NCALD: variants seen among roughly 807,000 people sequenced by gnomAD.
NCALD encodes the protein neurocalcin delta.
A neutral mutation model predicts 18.6 loss-of-function variants in NCALD; 10 were observed. The observed-to-expected ratio is 0.54, with a 90% CI of 0.33 to 0.91. The LOEUF is 0.91. Ranked by LOEUF, NCALD falls within the 40% of genes least tolerant of loss-of-function variation. NCALD has a pLI of 0.03. For synonymous variants in NCALD, 88 were observed against 87.4 expected (o/e 1.01, Z -0.04); for missense variants, 184 against 247.6 (o/e 0.74, Z 1.72).
intron 4 of NCALD, among the ~76,000 whole-genome samples, chr8:101,883,906 T>C (rs1488757290): frequency 6.6e-6 from 1 of 152,224 alleles, no homozygotes; most frequent in Non-Finnish European, 1.5e-5. Context: ...CTTCTCCCTA[T>C]CAGCAGTGTC....
chr8:101,746,983 G>C lies in NCALD; in HGVS notation c.-19-27335C>G, dbSNP rs1810452804. 2.0e-5 allele frequency among the ~76,000 whole-genome samples: 3 copies of C among 152,042 alleles called. No homozygotes were observed. The South Asian group carries it at 6.2e-4, about 32-fold the overall frequency. The stretch of plus-strand genomic sequence containing the variant: ...TTCCAATCAAATATGTGCTGAGTAA[G>C]AGATATGGCCCAATCTCAATTATGC... On this transcript the variant is annotated intron_variant, in intron 1 of 3. Coordinates refer to ENST00000220931, the MANE Select transcript of NCALD (RefSeq NM_032041.3).
chr8:101,784,460 G>C (rs575885560), intron 1 of NCALD, among the ~76,000 whole-genome samples: 2 of 152,098 alleles, frequency 1.3e-5, no homozygotes, highest in Admixed American at 1.3e-4. Flanking sequence ...GGTTCAAAGG[G>C]AGGGGCAATA....
At chr8:101,776,353 CT>C (rs1811789739) in intron 1 of NCALD, among the ~76,000 whole-genome samples, 1 of 152,150 alleles carries the variant, frequency 6.6e-6, no homozygotes, top group African/African-American at 2.4e-5. Context: ...CTGACAAACA[CT>C]TATCAGGTAC....
intron 1 of NCALD, among the ~76,000 whole-genome samples, chr8:102,109,707 GAAT>G (rs1373096645): frequency 3.3e-5 from 5 of 152,088 alleles, no homozygotes; most frequent in African/African-American, 4.8e-5. Flanking sequence ...GCAAGTTACA[GAAT>G]AATATGTATA....
chr8:101,709,463 T>C (rs948483002), intron 2 of NCALD, among the ~76,000 whole-genome samples: 9 of 152,166 alleles, frequency 5.9e-5, no homozygotes, highest in African/African-American at 2.2e-4. Context: ...ATACATATAG[T>C]CAATGAGAAT....
chr8:102,035,344 A>G (rs1822826184), intron 1 of NCALD, among the ~76,000 whole-genome samples: 1 of 152,166 alleles, frequency 6.6e-6, no homozygotes, highest in South Asian at 2.1e-4. Flanking sequence ...TCCAGAACAG[A>G]ACACATTCCC....
At chr8:101,823,934 G>A (rs1052242589) in intron 4 of NCALD, among the ~76,000 whole-genome samples, 1 of 152,178 alleles carries the variant, frequency 6.6e-6, no homozygotes, top group Non-Finnish European at 1.5e-5. Flanking sequence ...CTTATTTATT[G>A]ACCTACATGG....
chr8:101,773,995 G>A (rs923927493), intron 1 of NCALD, among the ~76,000 whole-genome samples: 2 of 152,174 alleles, frequency 1.3e-5, no homozygotes, highest in Admixed American at 6.5e-5. Context: ...TGGTCATGGA[G>A]TACCGCTTAT....
intron 1 of NCALD, among the ~76,000 whole-genome samples, chr8:101,741,272 G>GC (rs1810172450): frequency 6.6e-6 from 1 of 152,168 alleles, no homozygotes; most frequent in Non-Finnish European, 1.5e-5. Flanking sequence ...ATTACATTCT[G>GC]CTTTTTCCTG....
intron 4 of NCALD, among the ~76,000 whole-genome samples, chr8:101,825,425 G>A (rs1340914059): frequency 6.6e-6 from 1 of 152,248 alleles, no homozygotes; most frequent in Non-Finnish European, 1.5e-5. Flanking sequence ...CTCAACGGAA[G>A]CATCCTTGAA....
intron 1 of NCALD, among the ~76,000 whole-genome samples, chr8:101,756,557 T>G (rs908002807): frequency 6.6e-6 from 1 of 152,244 alleles, no homozygotes; most frequent in East Asian, 1.9e-4. Flanking sequence ...GGGCCATCTT[T>G]GCACGGAATA....
At chr8:101,744,769 A>G (rs1810357302) in intron 1 of NCALD, among the ~76,000 whole-genome samples, 1 of 152,130 alleles carries the variant, frequency 6.6e-6, no homozygotes, top group African/African-American at 2.4e-5. Flanking sequence ...GCACACAGAG[A>G]AAATGACACT....
At chr8:101,942,737 T>A (rs769555465) in intron 2 of NCALD, among the ~76,000 whole-genome samples, 1 of 152,200 alleles carries the variant, frequency 6.6e-6, no homozygotes, top group African/African-American at 2.4e-5. Context: ...CCCCATTTTA[T>A]AAATGGAGAA....
At chr8:101,892,052 T>C (rs1408994803) in intron 3 of NCALD, among the ~76,000 whole-genome samples, 2 of 152,020 alleles carry the variant, frequency 1.3e-5, no homozygotes, top group Non-Finnish European at 2.9e-5. Context: ...GCTCCACCTC[T>C]GGGGGCAGGG....
At chr8:101,990,293 T>C (rs1443404097) in intron 2 of NCALD, among the ~76,000 whole-genome samples, 1 of 152,038 alleles carries the variant, frequency 6.6e-6, no homozygotes, top group Non-Finnish European at 1.5e-5. Flanking sequence ...ACCTAGGAGG[T>C]ACAATGAACC....
At chr8:101,852,267 G>T (rs1160766899) in intron 4 of NCALD, among the ~76,000 whole-genome samples, 2 of 152,176 alleles carry the variant, frequency 1.3e-5, no homozygotes, top group African/African-American at 4.8e-5. Flanking sequence ...CTCCTCCTCT[G>T]ATACACTGTA....
At chr8:101,837,450 T>C (rs1203959777) in intron 4 of NCALD, among the ~76,000 whole-genome samples, 1 of 152,230 alleles carries the variant, frequency 6.6e-6, no homozygotes, top group African/African-American at 2.4e-5. Flanking sequence ...TTCAATCATA[T>C]TTTGATGAAT....
chr8:101,828,019 A>G (rs1312667916), intron 4 of NCALD, among the ~76,000 whole-genome samples: 1 of 152,190 alleles, frequency 6.6e-6, no homozygotes, highest in African/African-American at 2.4e-5. Flanking sequence ...AAGTAAGTAG[A>G]CAATTTTAAT....
At chr8:101,935,682 G>A (rs971841547) in intron 2 of NCALD, among the ~76,000 whole-genome samples, 9 of 151,830 alleles carry the variant, frequency 5.9e-5, no homozygotes, top group African/African-American at 2.2e-4. Context: ...GGGTTGCAGA[G>A]AGAAAGTGGG....
Sources: allele counts gnomAD v4.1 joint callset (sites outside exome capture counted in the v4.1 genomes callset), GRCh38; gene constraint gnomAD v4.1.1; transcripts MANE v1.5; gene names NCBI Gene and HGNC (gene_info 2026-07-23, HGNC 2026-07-21).